C6: variants seen among roughly 807,000 people sequenced by gnomAD.
C6 encodes the protein complement C6, also known as complement component C6.
In C6, 101 loss-of-function variants were observed where a neutral mutation model predicts 112.9. The ratio of observed to expected loss-of-function variants is 0.89; its 90% CI spans 0.76 to 1.06. C6 has a LOEUF of 1.06. C6 is among the 50% of genes least tolerant of loss of function. The pLI is 0.00. For missense variants in C6, 1,202 were observed against 1,104.6 expected, an observed-to-expected ratio of 1.09 and a Z score of -1.25; for synonymous variants, 431 against 384.1, an observed-to-expected ratio of 1.12 and a Z score of -1.43.
Position 41,203,181 on chromosome 5 carries a change from T to C in C6, c.50A>G (p.Asn17Ser), listed in dbSNP as rs1238973351. The part of the protein sequence containing the change: ...LYFILLNALI[N>S]KGQACFCDHY... ...ATCACAGAAGCAGGCTTGGCCCTTGTTGATCAGAGCATTCAGCAGGATGAA... is the reference window on the plus strand; with the variant it reads ...ATCACAGAAGCAGGCTTGGCCCTTGCTGATCAGAGCATTCAGCAGGATGAA... The change falls in exon 2 of 18, where the codon AAC becomes AGC. Residue 17 changes from asparagine to serine, a missense_variant. Physicochemically the swap from Asn to Ser is conservative, Grantham distance 46. Transcript: ENST00000337836. 23 of 1,613,988 alleles carry C rather than the reference T, an allele frequency of 1.4e-5. No individual in the cohort carries two copies. Among genetic ancestry groups the C allele is most frequent in the Non-Finnish European group, 1.9e-5 (22 of 1,179,978 alleles).
chr5:41,213,436 G>A lies in C6; in HGVS notation c.-81C>T. The stretch of plus-strand genomic sequence containing the variant: ...CTGCAAATTATTGGGGAAAAAATAG[G>A]TATGCAGAATGAAGAGGGTATATAT... On this transcript the variant is annotated 5_prime_UTR_variant, in exon 1 of 18. Coordinates refer to ENST00000337836, the MANE Select transcript of C6 (RefSeq NM_000065.5). 3.0e-6 allele frequency: 3 copies of A among 985,324 alleles called. No homozygotes were observed. In the South Asian group the frequency reaches 1.4e-4, roughly 46 times the overall value. 61.0% of individuals were successfully genotyped at this position (985,324 alleles called of 1,614,324 possible).
chr5:41,172,373 C>T (rs1483393930), intron 8 of C6, 26 bp from the exon 9 acceptor site: 3 of 1,611,946 alleles, frequency 1.9e-6, no homozygotes, highest in East Asian at 2.2e-5. Context: ...CAAACAGAAA[C>T]CACTGAGAAT....
intron 1 of C6, among the ~76,000 whole-genome samples, chr5:41,255,277 C>G (rs534057800): frequency 1.3e-5 from 2 of 151,532 alleles, no homozygotes; most frequent in African/African-American, 4.8e-5. Flanking sequence ...ATGGGAATTG[C>G]TTAAACCTGG....
rs111705982 is a variant in C6, at chr5:41,171,512, G to A, written c.1291+713C>T. On this transcript the variant is annotated intron_variant, in intron 9 of 17. Transcript: ENST00000337836. Reference sequence around the variant, plus strand: ...AAGCATTGTAGCCTATAGACTTTCCGGTAGAGATGTTTAGTGGACAGTAGA... The same window carrying A: ...AAGCATTGTAGCCTATAGACTTTCCAGTAGAGATGTTTAGTGGACAGTAGA... 8.0e-3 allele frequency among the ~76,000 whole-genome samples: 1,213 copies of A among 152,256 alleles called. 17 individuals are homozygous for A. Among genetic ancestry groups the A allele is most frequent in the African/African-American group, 0.027 (1,131 of 41,542 alleles).
At chr5:41,173,781 T>G (rs1222071979) in intron 8 of C6, among the ~76,000 whole-genome samples, 1 of 152,140 alleles carries the variant, frequency 6.6e-6, no homozygotes, top group African/African-American at 2.4e-5. Context: ...CCTCATTTTT[T>G]GTGACAGTTT....
intron 4 of C6, among the ~76,000 whole-genome samples, chr5:41,197,220 C>T (rs930131888): frequency 1.3e-5 from 2 of 152,032 alleles, no homozygotes; most frequent in Admixed American, 6.6e-5. Context: ...AAAATAATTA[C>T]ATTTTCCATC....
chr5:41,189,414 G>A (rs985787196), intron 5 of C6, among the ~76,000 whole-genome samples: 2 of 152,008 alleles, frequency 1.3e-5, no homozygotes, highest in Admixed American at 6.6e-5. Context: ...CAATGTGATA[G>A]AATGATACAA....
chr5:41,239,139 TC>T (rs1447960295), intron 1 of C6, among the ~76,000 whole-genome samples: 1 of 145,812 alleles, frequency 6.9e-6, no homozygotes. Context: ...TGAGACGGAT[TC>T]TTGCTCTGTC....
At chr5:41,227,187 T>A (rs892263311) in intron 1 of C6, among the ~76,000 whole-genome samples, 6 of 152,192 alleles carry the variant, frequency 3.9e-5, no homozygotes, top group Non-Finnish European at 7.3e-5. Flanking sequence ...TGATTTTAAT[T>A]TGTATTTCCC....
At chr5:41,235,223 C>T (rs1487546999) in intron 1 of C6, among the ~76,000 whole-genome samples, 12 of 107,186 alleles carry the variant, frequency 1.1e-4, no homozygotes, top group Non-Finnish European at 2.2e-4. Context: ...CTATCCCTCC[C>T]CCCTCCCCCG....
At chr5:41,169,312 C>T (rs1457165387) in intron 9 of C6, among the ~76,000 whole-genome samples, 1 of 152,058 alleles carries the variant, frequency 6.6e-6, no homozygotes, top group African/African-American at 2.4e-5. Flanking sequence ...TACATACACA[C>T]ATACGCACAC....
At chr5:41,182,143 A>G (rs1040172532) in intron 6 of C6, among the ~76,000 whole-genome samples, 62 of 152,256 alleles carry the variant, frequency 4.1e-4, no homozygotes, top group Middle Eastern at 3.4e-3. Context: ...CAACTACTCT[A>G]GTCTCTTTCT....
chr5:41,234,213 A>G (rs1167963565), intron 1 of C6, among the ~76,000 whole-genome samples: 1 of 152,136 alleles, frequency 6.6e-6, no homozygotes, highest in African/African-American at 2.4e-5. Flanking sequence ...GCAATGTATC[A>G]ATATCAATAA....
intron 1 of C6, among the ~76,000 whole-genome samples, chr5:41,236,754 C>CA (rs1261910011): frequency 1.4e-5 from 2 of 140,768 alleles, no homozygotes; most frequent in African/African-American, 2.7e-5. Context: ...AATAGAGACA[C>CA]AAAAAATCCT....
At chr5:41,175,901 C>A (rs1484032678) in intron 8 of C6, among the ~76,000 whole-genome samples, 2 of 152,168 alleles carry the variant, frequency 1.3e-5, no homozygotes, top group African/African-American at 4.8e-5. Context: ...TAACGCAAAT[C>A]TTTTGCATTT....
chr5:41,229,718 T>C (rs1437484084), intron 1 of C6, among the ~76,000 whole-genome samples: 2 of 152,204 alleles, frequency 1.3e-5, no homozygotes, highest in African/African-American at 2.4e-5. Context: ...TATTCAAATC[T>C]TCGGCTTCCT....
Position 41,153,975 on chromosome 5 carries a change from CA to C in C6, c.2124del (p.Val709CysfsTer5). 6.2e-7 allele frequency: 1 copy of C among 1,613,736 alleles called. No homozygotes were observed. Among genetic ancestry groups the C allele is most frequent in the Non-Finnish European group, 8.5e-7 (1 of 1,179,762 alleles). Reference protein sequence around the residue: ...ECQRTECIKPVVQEVLTITPF... With the variant: ...ECQRTECIKPXVQEVLTITPF... ...GGTGTAATTGTCAGGACTTCCTGCA[CA>C]ACTGGCTTGATGCACTCCGTCCCTG... On this transcript the variant is annotated frameshift_variant, in exon 15 of 18. Transcript: ENST00000337836. LOFTEE classifies it high-confidence loss of function.
intron 17 of C6, among the ~76,000 whole-genome samples, chr5:41,147,566 A>T (rs1192028643): frequency 1.3e-5 from 2 of 152,206 alleles, no homozygotes; most frequent in Admixed American, 6.5e-5. Context: ...GCTGAAGAAC[A>T]CTGGGCCACA....
chr5:41,225,949 A>C (rs1207089069), intron 1 of C6, among the ~76,000 whole-genome samples: 1 of 152,188 alleles, frequency 6.6e-6, no homozygotes, highest in Non-Finnish European at 1.5e-5. Flanking sequence ...ACAAAAATTA[A>C]TTCAAGATGG....
Sources: allele counts gnomAD v4.1 joint callset (sites outside exome capture counted in the v4.1 genomes callset), GRCh38; gene constraint gnomAD v4.1.1; transcripts MANE v1.5; gene names NCBI Gene and HGNC (gene_info 2026-07-23, HGNC 2026-07-21).